ITGA11: variants seen among roughly 807,000 people sequenced by gnomAD.
The protein encoded by ITGA11 is integrin subunit alpha 11, also known as integrin alpha-11.
Under a neutral mutation model 141.9 loss-of-function variants are expected in ITGA11, and 97 were observed. The observed-to-expected ratio is 0.68, with a 90% CI of 0.58 to 0.81. ITGA11 has a LOEUF of 0.81. Among genes scored for constraint, ITGA11 ranks in the 30% least tolerant of loss-of-function variants. ITGA11 has a pLI of 0.00. For synonymous variants in ITGA11, 658 were observed against 624.6 expected (o/e 1.05, Z -0.80); for missense variants, 1,387 against 1,559.2 (o/e 0.89, Z 1.86).
At chr15:68,309,764 T>A (rs1893318794) in intron 26 of ITGA11, among the ~76,000 whole-genome samples, 1 of 151,960 alleles carries the variant, frequency 6.6e-6, no homozygotes, top group East Asian at 1.9e-4. Flanking sequence ...CTGATTTTTG[T>A]ATGTTTAGTA....
chr15:68,411,771 C>G (rs763239513), intron 1 of ITGA11, among the ~76,000 whole-genome samples: 1 of 152,234 alleles, frequency 6.6e-6, no homozygotes, highest in Non-Finnish European at 1.5e-5. Context: ...TGACTTTGGG[C>G]TAGGCCATCT....
intron 4 of ITGA11, among the ~76,000 whole-genome samples, chr15:68,364,340 C>G (rs765898869): frequency 6.6e-6 from 1 of 152,130 alleles, no homozygotes; most frequent in African/African-American, 2.4e-5. Context: ...GACCTCCAGC[C>G]CAGACAACTA....
chr15:68,396,965 A>ATTT (rs1380348350), intron 2 of ITGA11, among the ~76,000 whole-genome samples: 1 of 5,228 alleles, frequency 1.9e-4, no homozygotes, highest in Non-Finnish European at 2.9e-4. Context: ...ATTATATAAT[A>ATTT]AATAATATAT....
chr15:68,326,507 T>G lies in ITGA11; in HGVS notation c.2211+147A>C. 1 of 738,992 alleles carries G rather than the reference T, an allele frequency of 1.4e-6. No homozygotes were observed. Among genetic ancestry groups the G allele is most frequent in the Non-Finnish European group, 2.1e-6 (1 of 473,264 alleles). The allele number at this position is 738,992 out of a possible 1,614,324, so 45.8% of individuals were successfully genotyped here. On this transcript the variant is annotated intron_variant, in intron 17 of 29. Transcript: ENST00000315757. This position sits in a 1 kb window ranked among gnomAD's most constrained non-coding sequence, Gnocchi z 6.8. ...TGGGGCATGAGGTGGGAATGTGGAG[T>G]GGCCAAGGTCAGGGTACACTGTCCC... is the stretch of plus-strand genomic sequence containing the variant.
In ITGA11 at chr15:68,311,382, G is replaced by A. The variant is rs572985908; in HGVS notation, c.2995C>T (p.Pro999Ser). Residue 999 changes from proline (P) to serine (S), a missense_variant, in exon 25 of 30, where the codon CCC becomes TCC. Physicochemically the swap from Pro to Ser is moderately conservative, Grantham distance 74. Transcript: ENST00000315757. ...IFRIQNLGLF[P>S]IHGMMMKITI... ...ATCTTCATCATCATCCCGTGGATGG[G>A]GAACAAGCCCAAGTTCTGGATCTGT... 17 of 1,566,520 alleles carry A rather than the reference G, an allele frequency of 1.1e-5. No individual in the cohort carries two copies. The East Asian group carries it at 4.0e-4, about 37-fold the overall frequency.
chr15:68,331,793 G>GCTCCTGGGA (rs879387255), intron 14 of ITGA11, 66 bp downstream of exon 14: 25 of 1,371,172 alleles, frequency 1.8e-5, no homozygotes, highest in African/African-American at 4.3e-5. Flanking sequence ...AGGCACAGAA[G>GCTCCTGGGA]CTCCTGGGAC....
chr15:68,333,099 C>T lies in ITGA11; in HGVS notation c.1426-621G>A, dbSNP rs546220031. 3.9e-4 allele frequency among the ~76,000 whole-genome samples: 39 copies of T among 99,350 alleles called. 1 individual carries two copies. The highest frequency in any genetic ancestry group is 1.5e-3 in the Admixed American group (11 of 7,284). 65.2% of individuals were successfully genotyped at this position (99,350 alleles called of 152,430 possible). ...ATGTGTTTAATCAGTTATTGCTGGA[C>T]GGTTAGCTTTTTTTTTTTGAGGCAA... On this transcript the variant is annotated intron_variant, in intron 12 of 29. Coordinates refer to ENST00000315757, the MANE Select transcript of ITGA11 (RefSeq NM_001004439.2). The surrounding 1 kb of genome is among the most constrained non-coding windows in gnomAD (Gnocchi z 4.2).
At chr15:68,360,213 T>C (rs1376960677) in intron 5 of ITGA11, among the ~76,000 whole-genome samples, 1 of 152,210 alleles carries the variant, frequency 6.6e-6, no homozygotes, top group Non-Finnish European at 1.5e-5. Context: ...GCACCTGCTA[T>C]GTGCTGGAGC....
At chr15:68,348,607 A>G (rs1894810450) in intron 10 of ITGA11, among the ~76,000 whole-genome samples, 1 of 152,162 alleles carries the variant, frequency 6.6e-6, no homozygotes, top group African/African-American at 2.4e-5. Context: ...GTGTTTACTC[A>G]TTGTCTGGTG....
intron 10 of ITGA11, among the ~76,000 whole-genome samples, chr15:68,346,408 T>C (rs1396997086): frequency 6.6e-6 from 1 of 152,186 alleles, no homozygotes; most frequent in Non-Finnish European, 1.5e-5. Flanking sequence ...TCTTTTTAGA[T>C]TCCCCGATTC....
intron 7 of ITGA11, among the ~76,000 whole-genome samples, chr15:68,353,592 A>G (rs1894979406): frequency 6.6e-6 from 1 of 152,216 alleles, no homozygotes; most frequent in Non-Finnish European, 1.5e-5. Flanking sequence ...TGAATCTGTA[A>G]TCGTGCGAAT....
chr15:68,341,095 T>C (rs1894554188), intron 10 of ITGA11, among the ~76,000 whole-genome samples: 2 of 152,158 alleles, frequency 1.3e-5, no homozygotes, highest in Admixed American at 6.6e-5. Context: ...GGTTAACAAA[T>C]CCTAACCCTC....
At position 68,305,695 on chromosome 15, in the gene ITGA11, G is replaced by A. The variant is rs1038334246; in HGVS notation, c.3381+1653C>T. ...GTGTGCATACCTGAGAGATGGGGGT[G>A]GGGACAGTGCCTCACAGTGTTGAGA... is the stretch of plus-strand genomic sequence containing the variant. On this transcript the variant is annotated intron_variant, in intron 28 of 29. Transcript: ENST00000315757. The surrounding 1 kb of genome is among the most constrained non-coding windows in gnomAD (Gnocchi z 4.6). 2.0e-5 allele frequency among the ~76,000 whole-genome samples: 3 copies of A among 152,188 alleles called. No individual in the cohort carries two copies. Among genetic ancestry groups the A allele is most frequent in the African/African-American group, 7.2e-5 (3 of 41,442 alleles).
Position 68,303,005 on chromosome 15 carries a change from C to A in ITGA11, c.*54G>T. On this transcript the variant is annotated 3_prime_UTR_variant, in exon 30 of 30. Coordinates refer to ENST00000315757, the MANE Select transcript of ITGA11 (RefSeq NM_001004439.2). The surrounding 1 kb of genome is among the most constrained non-coding windows in gnomAD (Gnocchi z 5.3). ...GTGGGGCCACAGGCCTGGGTCTCAA[C>A]ACTACCTGGACTGGTGTCCTGGCCC... 6.9e-7 allele frequency: 1 copy of A among 1,439,546 alleles called. No individual in the cohort carries two copies. Among genetic ancestry groups the A allele is most frequent in the Non-Finnish European group, 9.5e-7 (1 of 1,056,920 alleles). 89.2% of individuals were successfully genotyped at this position (1,439,546 alleles called of 1,614,324 possible). A position where few individuals can be genotyped will look rare whatever the true frequency, so the allele number is the denominator to read the frequency against.
At chr15:68,419,045 C>A (rs748030963) in intron 1 of ITGA11, among the ~76,000 whole-genome samples, 1 of 152,080 alleles carries the variant, frequency 6.6e-6, no homozygotes, top group African/African-American at 2.4e-5. Context: ...TGTGGGGGCC[C>A]TTCCCTTCTA....
rs534868113 is a variant in ITGA11 at position 68,363,562 on chromosome 15, G to A, written c.357+1145C>T. ...ATGTCTTATTTGTCTTATCTAATTTGTCTTGTGATTCATGCCCCAGATGTC... is the reference window on the plus strand; with the variant it reads ...ATGTCTTATTTGTCTTATCTAATTTATCTTGTGATTCATGCCCCAGATGTC... On this transcript the variant is annotated intron_variant, in intron 4 of 29. Transcript: ENST00000315757. Among the ~76,000 whole-genome samples, 191 of 152,202 alleles carry A rather than the reference G, an allele frequency of 1.3e-3. 1 individual carries two copies. The highest frequency in any genetic ancestry group is 4.2e-3 in the African/African-American group (173 of 41,518).
chr15:68,381,960 C>T (rs1895873499), intron 2 of ITGA11, among the ~76,000 whole-genome samples: 1 of 152,180 alleles, frequency 6.6e-6, no homozygotes, highest in South Asian at 2.1e-4. Context: ...AGGCCTCGCC[C>T]CACCTCTGGG....
chr15:68,391,275 G>A (rs1896114981), intron 2 of ITGA11, among the ~76,000 whole-genome samples: 2 of 152,222 alleles, frequency 1.3e-5, no homozygotes, highest in African/African-American at 2.4e-5. Flanking sequence ...AGGTCCAGTG[G>A]CTGCAATGGG....
Position 68,303,270 on chromosome 15 carries a change from C to G in ITGA11, c.3496-140G>C. 1.4e-6 allele frequency: 1 copy of G among 714,288 alleles called. No individual in the cohort carries two copies. The allele number at this position is 714,288 out of a possible 1,614,324, so 44.2% of individuals were successfully genotyped here. A position where few individuals can be genotyped will look rare whatever the true frequency, so the allele number is the denominator to read the frequency against. On this transcript the variant is annotated intron_variant, in intron 29 of 29. Coordinates refer to ENST00000315757, the MANE Select transcript of ITGA11 (RefSeq NM_001004439.2). This position sits in a 1 kb window ranked among gnomAD's most constrained non-coding sequence, Gnocchi z 5.3. ...CCCCAGCTCATTCTGAGCACCCCCT[C>G]CTCCAGAACTGCCTCTGTGGACTGG...
Sources: gnomAD v4.1 joint callset for allele counts (sites outside exome capture counted in the v4.1 genomes callset) on GRCh38, gnomAD v4.1.1 for gene constraint, Gnocchi (gnomAD v3.1) non-coding constraint, MANE v1.5 for transcripts, NCBI Gene and HGNC (gene_info 2026-07-23, HGNC 2026-07-21) for gene names.